Variants in RTN1 observed in about 807,000 individuals in gnomAD.
RTN1 encodes reticulon-1.
RTN1 carries 25 observed loss-of-function variants against 65.5 expected under a neutral mutation model. That is an observed-to-expected ratio of 0.38 (90% CI 0.28 to 0.53). The LOEUF (loss-of-function observed/expected upper bound fraction) is 0.53, where lower values mean the gene tolerates loss of function less well. Ranked by LOEUF, RTN1 falls within the 20% of genes least tolerant of loss-of-function variation. The pLI, the probability that RTN1 is intolerant of heterozygous loss-of-function variation, is 0.79. For synonymous variants in RTN1, 471 were observed against 447.6 expected (o/e 1.05, Z -0.66); for missense variants, 983 against 1,025.4 (o/e 0.96, Z 0.57).
Position 59,727,086 on chromosome 14 carries a change from C to A in RTN1, c.1598G>T (p.Gly533Val). 2 of 1,611,596 alleles carry A rather than the reference C, an allele frequency of 1.2e-6. No homozygotes were observed. The highest frequency in any genetic ancestry group is 1.7e-6 in the Non-Finnish European group (2 of 1,178,894). ...TCCGTCTCCAGGGGGCAGCTCGGGG[C>A]CAGGCTGGGGCTCAGTTGAGGGGTA... ...LDYPSTEPQP[G>V]PELPPGDGAL... is the part of the protein sequence containing the mutation. The change falls in exon 3 of 9, where the codon GGC becomes GTC. Residue 533 changes from glycine to valine, a missense_variant. By Grantham distance (109) the Gly-to-Val change is moderately radical. Around this residue, in one of 2 missense-constraint regions of RTN1, gnomAD observed 818 missense variants for 801.8 expected, o/e 1.02. Coordinates refer to ENST00000267484, the MANE Select transcript of RTN1 (RefSeq NM_021136.3). The surrounding 1 kb of genome is among the most constrained non-coding windows in gnomAD (Gnocchi z 4.2).
chr14:59,829,372 A>G lies in RTN1; in HGVS notation c.241+41018T>C, dbSNP rs1405326499. ...TCATGCCCCTGTAATTAAGGTATGC[A>G]TTAAAAAACACCTCTATTAGTCAAA... On this transcript the variant is annotated intron_variant, in intron 1 of 8. Transcript: ENST00000267484. This position sits in a 1 kb window ranked among gnomAD's most constrained non-coding sequence, Gnocchi z 4.3. Among the ~76,000 whole-genome samples the G allele has an allele frequency of 1.3e-5, 2 of 152,232 alleles. No individual in the cohort carries two copies. Among genetic ancestry groups the G allele is most frequent in the African/African-American group, 4.8e-5 (2 of 41,450 alleles).
At chr14:59,689,184 A>G (rs1883906305) in intron 3 of RTN1, among the ~76,000 whole-genome samples, 1 of 152,156 alleles carries the variant, frequency 6.6e-6, no homozygotes, top group South Asian at 2.1e-4. Flanking sequence ...AGCTTCATCA[A>G]TAGACCAGAC....
At chr14:59,719,833 TA>T (rs1884611471) in intron 3 of RTN1, among the ~76,000 whole-genome samples, 1 of 152,196 alleles carries the variant, frequency 6.6e-6, no homozygotes, top group South Asian at 2.1e-4. Context: ...ACTCCATTAT[TA>T]TAAGTTAGGT....
At chr14:59,740,735 A>G (rs1216708373) in intron 2 of RTN1, among the ~76,000 whole-genome samples, 1 of 152,212 alleles carries the variant, frequency 6.6e-6, no homozygotes, top group Admixed American at 6.5e-5. Context: ...TTCTTAAGGG[A>G]AACTAAAACT....
At chr14:59,758,862 GA>G (rs1885692804) in intron 1 of RTN1, among the ~76,000 whole-genome samples, 3 of 151,888 alleles carry the variant, frequency 2.0e-5, no homozygotes, top group African/African-American at 4.8e-5. Flanking sequence ...TTAATTCAAT[GA>G]AAAAAAATTT....
intron 1 of RTN1, among the ~76,000 whole-genome samples, chr14:59,843,141 C>T (rs893860907): frequency 6.6e-6 from 1 of 152,180 alleles, no homozygotes; most frequent in Non-Finnish European, 1.5e-5. Flanking sequence ...GAATATTGCA[C>T]AGTAATTTTT....
In RTN1 at chr14:59,743,276, C is replaced by A. The variant is rs148827363; in HGVS notation, c.1015+2432G>T. On this transcript the variant is annotated intron_variant, in intron 2 of 8. Transcript: ENST00000267484. ...GGAAATTCCCTAAAAATTAATGGACCCTTTGTCAAGTCTTTGCAAACTGTA... is the reference window on the plus strand; with the variant it reads ...GGAAATTCCCTAAAAATTAATGGACACTTTGTCAAGTCTTTGCAAACTGTA... Among the ~76,000 whole-genome samples, 156 of 152,224 alleles carry A rather than the reference C, an allele frequency of 1.0e-3. 1 individual carries two copies. The highest frequency in any genetic ancestry group is 1.7e-3 in the Non-Finnish European group (114 of 68,014).
chr14:59,652,876 C>T (rs1393552742), intron 3 of RTN1, among the ~76,000 whole-genome samples: 1 of 151,266 alleles, frequency 6.6e-6, no homozygotes, highest in Non-Finnish European at 1.5e-5. Flanking sequence ...ATCTGAAGAA[C>T]TGAAAGAGAA....
chr14:59,613,088 C>T (rs562348238), intron 3 of RTN1, among the ~76,000 whole-genome samples: 33 of 152,224 alleles, frequency 2.2e-4, no homozygotes, highest in African/African-American at 6.0e-4. Context: ...AACTACCTTG[C>T]GGAAATTCTA....
At chr14:59,815,919 C>G (rs1886812847) in intron 1 of RTN1, among the ~76,000 whole-genome samples, 1 of 152,182 alleles carries the variant, frequency 6.6e-6, no homozygotes, top group Non-Finnish European at 1.5e-5. Context: ...CTGTAGTTTA[C>G]TAGTTCCACC....
intron 3 of RTN1, among the ~76,000 whole-genome samples, chr14:59,703,619 G>A (rs565864406): frequency 1.3e-5 from 2 of 152,208 alleles, no homozygotes; most frequent in East Asian, 1.9e-4. Context: ...ATGCAAAAAC[G>A]GACTAACACA....
intron 1 of RTN1, among the ~76,000 whole-genome samples, chr14:59,795,910 A>G (rs1226078879): frequency 6.6e-6 from 1 of 152,190 alleles, no homozygotes; most frequent in Non-Finnish European, 1.5e-5. Flanking sequence ...ATTGGGCTTT[A>G]TATTAAATAT....
chr14:59,733,480 C>T (rs1884943910), intron 2 of RTN1, among the ~76,000 whole-genome samples: 1 of 151,942 alleles, frequency 6.6e-6, no homozygotes, highest in African/African-American at 2.4e-5. Flanking sequence ...TCTGCTGGCA[C>T]ATATTAGGGA....
intron 3 of RTN1, among the ~76,000 whole-genome samples, chr14:59,670,436 A>T (rs1883478035): frequency 6.6e-6 from 1 of 152,168 alleles, no homozygotes; most frequent in Non-Finnish European, 1.5e-5. Context: ...CAAAATCAGA[A>T]CTCTTGTGGT....
At chr14:59,750,059 C>CAT (rs1885415875) in intron 1 of RTN1, among the ~76,000 whole-genome samples, 7 of 70,102 alleles carry the variant, frequency 1.0e-4, no homozygotes, top group African/African-American at 4.8e-4. Flanking sequence ...ATATTATATA[C>CAT]ATATATTATA....
intron 3 of RTN1, among the ~76,000 whole-genome samples, chr14:59,700,071 G>C (rs1016504890): frequency 3.3e-5 from 5 of 152,024 alleles, no homozygotes; most frequent in Non-Finnish European, 5.9e-5. Flanking sequence ...GAAAATATGT[G>C]AGAAAATGAA....
intron 3 of RTN1, among the ~76,000 whole-genome samples, chr14:59,627,613 T>C (rs1447152793): frequency 2.0e-5 from 3 of 152,228 alleles, no homozygotes; most frequent in Non-Finnish European, 4.4e-5. Flanking sequence ...TATTTGGTGG[T>C]AGTATAACTT....
In RTN1 at chr14:59,766,034, A is replaced by T. The variant is rs8020206; in HGVS notation, c.242-19553T>A. Among the ~76,000 whole-genome samples the T allele has an allele frequency of 1.3e-4, 20 of 152,160 alleles. No individual in the cohort carries two copies. The highest frequency in any genetic ancestry group is 4.6e-4 in the African/African-American group (19 of 41,394). On this transcript the variant is annotated intron_variant, in intron 1 of 8. Coordinates refer to ENST00000267484, the MANE Select transcript of RTN1 (RefSeq NM_021136.3). The surrounding 1 kb of genome is among the most constrained non-coding windows in gnomAD (Gnocchi z 4.4). Reference sequence around the variant, plus strand: ...CACCTGAGGTCAGGGGTTCAAGATCAGCCTGGCCAATATGGTGAAACCCAG... The same window carrying T: ...CACCTGAGGTCAGGGGTTCAAGATCTGCCTGGCCAATATGGTGAAACCCAG...
intron 3 of RTN1, among the ~76,000 whole-genome samples, chr14:59,688,430 G>A (rs985568031): frequency 3.3e-5 from 5 of 152,198 alleles, no homozygotes; most frequent in African/African-American, 1.2e-4. Context: ...CATGCCATCA[G>A]AGGGCCTGTA....
Sources: gnomAD v4.1 joint callset for allele counts (sites outside exome capture counted in the v4.1 genomes callset) on GRCh38, gnomAD v4.1.1 for gene constraint, gnomAD v4.1.1 regional missense constraint, Gnocchi (gnomAD v3.1) non-coding constraint, MANE v1.5 for transcripts, NCBI Gene and HGNC (gene_info 2026-07-23, HGNC 2026-07-21) for gene names.